GRM5: variants seen among roughly 807,000 people sequenced by gnomAD.
The protein encoded by GRM5 is glutamate metabotropic receptor 5, also known as metabotropic glutamate receptor 5.
GRM5 carries 19 observed loss-of-function variants against 83.1 expected under a neutral mutation model. The observed-to-expected ratio is 0.23, with a 90% CI of 0.16 to 0.34. The LOEUF (loss-of-function observed/expected upper bound fraction) is 0.34. Among genes scored for constraint, GRM5 ranks in the 10% least tolerant of loss-of-function variants. The pLI, the probability that GRM5 is intolerant of heterozygous loss-of-function variation, is 1.00. For missense variants in GRM5, 1,160 were observed against 1,588.3 expected, an observed-to-expected ratio of 0.73 and a Z score of 4.58; for synonymous variants, 675 against 633.6, an observed-to-expected ratio of 1.07 and a Z score of -0.98.
At chr11:88,720,609 G>A (rs1243069304) in intron 3 of GRM5, among the ~76,000 whole-genome samples, 1 of 151,898 alleles carries the variant, frequency 6.6e-6, no homozygotes, top group African/African-American at 2.4e-5. Context: ...AACAGCTACT[G>A]GCCACTTTTT....
chr11:89,015,020 A>G (rs972099371), intron 2 of GRM5, among the ~76,000 whole-genome samples: 3 of 152,234 alleles, frequency 2.0e-5, no homozygotes, highest in Non-Finnish European at 2.9e-5. Flanking sequence ...TGCTGCTTAC[A>G]TAAATCAATG....
chr11:89,064,911 T>C (rs61903382), intron 1 of GRM5, among the ~76,000 whole-genome samples: 1 of 59,822 alleles, frequency 1.7e-5, no homozygotes, highest in East Asian at 7.5e-4. Flanking sequence ...TGTGTGTGTG[T>C]GTGTGAGAGA....
At chr11:88,831,571 T>G (rs1014882200) in intron 3 of GRM5, among the ~76,000 whole-genome samples, 3 of 152,142 alleles carry the variant, frequency 2.0e-5, no homozygotes, top group African/African-American at 7.2e-5. Flanking sequence ...CAAGTATCCC[T>G]CACCCAGTGC....
At chr11:88,910,999 T>C (rs1945487931) in intron 2 of GRM5, among the ~76,000 whole-genome samples, 2 of 152,158 alleles carry the variant, frequency 1.3e-5, no homozygotes, top group South Asian at 4.1e-4. Flanking sequence ...AAATCTTTTA[T>C]TGAAATGCTC....
chr11:88,938,253 G>C (rs1243881591), intron 2 of GRM5, among the ~76,000 whole-genome samples: 1 of 151,682 alleles, frequency 6.6e-6, no homozygotes, highest in Non-Finnish European at 1.5e-5. Flanking sequence ...TGGATAAGAA[G>C]CTCTTAGCCT....
At chr11:89,023,501 G>T (rs1177673576) in intron 2 of GRM5, among the ~76,000 whole-genome samples, 1 of 152,024 alleles carries the variant, frequency 6.6e-6, no homozygotes, top group South Asian at 2.1e-4. Context: ...TCCTTGTCCA[G>T]CCATGCGTGT....
intron 3 of GRM5, among the ~76,000 whole-genome samples, chr11:88,832,664 C>G (rs1166629689): frequency 6.6e-6 from 1 of 151,960 alleles, no homozygotes; most frequent in Non-Finnish European, 1.5e-5. Context: ...CCAAAGCAAT[C>G]CTAAGTAATA....
At chr11:88,610,651 A>G (rs1023537650) in intron 4 of GRM5, among the ~76,000 whole-genome samples, 2 of 152,196 alleles carry the variant, frequency 1.3e-5, no homozygotes, top group Non-Finnish European at 2.9e-5. Context: ...GTATAGATTC[A>G]TATCGTCTGC....
chr11:88,598,025 C>T (rs558286726), intron 5 of GRM5, among the ~76,000 whole-genome samples: 1 of 152,178 alleles, frequency 6.6e-6, no homozygotes, highest in East Asian at 1.9e-4. Flanking sequence ...TGCTAACTTA[C>T]AAGCCTTTTC....
chr11:88,984,962 C>G (rs1939654800), intron 2 of GRM5: 1 of 587,632 alleles, frequency 1.7e-6, no homozygotes, highest in African/African-American at 1.9e-5. Context: ...TTTTTCTAAT[C>G]ACAGTATTAT....
intron 2 of GRM5, among the ~76,000 whole-genome samples, chr11:88,920,570 A>G (rs1945673570): frequency 6.6e-6 from 1 of 152,182 alleles, no homozygotes; most frequent in African/African-American, 2.4e-5. Context: ...TGGAAGTACT[A>G]CTAATTCTAT....
At chr11:88,704,753 C>T (rs1941115591) in intron 3 of GRM5, among the ~76,000 whole-genome samples, 1 of 152,028 alleles carries the variant, frequency 6.6e-6, no homozygotes. Context: ...CAGCCCTTTG[C>T]TTTCATGGAG....
At chr11:88,765,780 T>A (rs1942615169) in intron 3 of GRM5, among the ~76,000 whole-genome samples, 1 of 151,794 alleles carries the variant, frequency 6.6e-6, no homozygotes. Flanking sequence ...GCATTGTATT[T>A]GGGAATGATT....
intron 3 of GRM5, among the ~76,000 whole-genome samples, chr11:88,775,327 CT>C (rs1942824272): frequency 6.6e-6 from 1 of 152,068 alleles, no homozygotes; most frequent in African/African-American, 2.4e-5. Flanking sequence ...TGATTCTTCT[CT>C]TTTCTCCTTT....
chr11:88,704,015 G>A (rs1284616085), intron 3 of GRM5, among the ~76,000 whole-genome samples: 1 of 152,038 alleles, frequency 6.6e-6, no homozygotes, highest in Non-Finnish European at 1.5e-5. Context: ...TAGCTTCAGT[G>A]TTTGGTGAGG....
chr11:88,875,739 A>G (rs1944842986), intron 2 of GRM5, among the ~76,000 whole-genome samples: 1 of 152,046 alleles, frequency 6.6e-6, no homozygotes. Context: ...AACAACATTA[A>G]TCTCCTTATA....
chr11:88,731,459 T>A (rs1344453485), intron 3 of GRM5, among the ~76,000 whole-genome samples: 2 of 152,052 alleles, frequency 1.3e-5, no homozygotes, highest in East Asian at 1.9e-4. Context: ...ATTATATCTC[T>A]ATGCCGTCAC....
At position 89,062,615 on chromosome 11, in the gene GRM5, G is replaced by T. The variant is rs1942017772; in HGVS notation, c.-201+3161C>A. 3.3e-5 allele frequency among the ~76,000 whole-genome samples: 5 copies of T among 152,348 alleles called. No individual in the cohort carries two copies. The South Asian group carries it at 1.0e-3, about 32-fold the overall frequency. On this transcript the variant is annotated intron_variant, in intron 1 of 9. Coordinates refer to ENST00000305447, the MANE Select transcript of GRM5 (RefSeq NM_001143831.3). ...ACTCGATGTTAACAGTCCAGCTAAGGCAGCATCAAGATTGTGTCTAAATAA... is the reference window on the plus strand; with the variant it reads ...ACTCGATGTTAACAGTCCAGCTAAGTCAGCATCAAGATTGTGTCTAAATAA...
intron 1 of GRM5, among the ~76,000 whole-genome samples, chr11:89,057,754 T>C (rs1941908169): frequency 6.6e-6 from 1 of 152,210 alleles, no homozygotes; most frequent in Non-Finnish European, 1.5e-5. Context: ...TCATTATTTA[T>C]ATATTACATT....
Sources: allele counts gnomAD v4.1 joint callset (sites outside exome capture counted in the v4.1 genomes callset), GRCh38; gene constraint gnomAD v4.1.1; transcripts MANE v1.5; gene names NCBI Gene and HGNC (gene_info 2026-07-23, HGNC 2026-07-21).